Variants in TMEM62 observed in about 807,000 individuals in gnomAD.
TMEM62 encodes transmembrane protein 62.
A neutral mutation model predicts 70.4 loss-of-function variants in TMEM62; 41 were observed. The observed-to-expected ratio is 0.58, with a 90% confidence interval of 0.45 to 0.76. The LOEUF is 0.76. Ranked by LOEUF, TMEM62 falls within the 30% of genes least tolerant of loss-of-function variation. The probability of loss-of-function intolerance (pLI) is 0.00; values close to 1 mark genes in which losing one functional copy is unlikely to be tolerated. For missense variants in TMEM62, 688 were observed against 788.5 expected (o/e 0.87, Z 1.53); for synonymous variants, 268 against 291.0 (o/e 0.92, Z 0.80).
At chr15:43,172,483 A>G (rs990794368) in intron 11 of TMEM62, among the ~76,000 whole-genome samples, 1 of 152,252 alleles carries the variant, frequency 6.6e-6, no homozygotes, top group African/African-American at 2.4e-5. Flanking sequence ...GAAAACAGCT[A>G]TCTTCATTAA....
intron 11 of TMEM62, among the ~76,000 whole-genome samples, chr15:43,176,037 C>G (rs1459232512): frequency 1.3e-5 from 2 of 152,370 alleles, no homozygotes; most frequent in Admixed American, 6.5e-5. Context: ...TTATATCCCG[C>G]ACCTGGCTTG....
intron 11 of TMEM62, among the ~76,000 whole-genome samples, chr15:43,178,224 A>C (rs1016440734): frequency 6.6e-6 from 1 of 152,068 alleles, no homozygotes; most frequent in Non-Finnish European, 1.5e-5. Flanking sequence ...ACCTATATAA[A>C]GATAAAATAG....
At chr15:43,133,296 C>T (rs2034662842), upstream of TMEM62, 1 of 152,594 alleles carries the variant, frequency 6.6e-6, no homozygotes, top group East Asian at 1.9e-4. Context: ...GAGGAAGCCA[C>T]CTGACACATT....
intron 2 of TMEM62, among the ~76,000 whole-genome samples, chr15:43,134,890 T>C (rs540007482): frequency 3.3e-5 from 5 of 152,314 alleles, no homozygotes; most frequent in African/African-American, 1.2e-4. Flanking sequence ...CAAACTGTAA[T>C]GGGGAGAAGA....
At chr15:43,134,035 G>A in intron 1 of TMEM62, 53 bp downstream of exon 1, 1 of 1,436,982 alleles carries the variant, frequency 7.0e-7, no homozygotes, top group Non-Finnish European at 9.1e-7. Flanking sequence ...GGCACCGTGC[G>A]GTGGGACCCT....
chr15:43,181,098 T>C (rs1404041980), intron 12 of TMEM62, 83 bp from the exon 13 acceptor site: 5 of 903,588 alleles, frequency 5.5e-6, no homozygotes, highest in Non-Finnish European at 9.1e-6. Context: ...CTCTGCTTTA[T>C]TCCTATAAAT....
At chr15:43,176,244 C>T (rs564934301) in intron 11 of TMEM62, among the ~76,000 whole-genome samples, 1 of 152,376 alleles carries the variant, frequency 6.6e-6, no homozygotes, top group African/African-American at 2.4e-5. Context: ...TAGGCTCCAC[C>T]TCTGGGGGCA....
intron 3 of TMEM62, 98 bp downstream of exon 3, chr15:43,135,747 C>A: frequency 1.5e-6 from 2 of 1,353,470 alleles, no homozygotes; most frequent in South Asian, 1.6e-5. Context: ...TAAAGTGGGA[C>A]ATTTACATAT....
intron 11 of TMEM62, among the ~76,000 whole-genome samples, chr15:43,171,828 C>A (rs551068706): frequency 6.6e-6 from 1 of 151,830 alleles, no homozygotes; most frequent in Non-Finnish European, 1.5e-5. Flanking sequence ...AGGGTTTCAC[C>A]ATGTTAGCCA....
At chr15:43,159,324 G>C (rs2038405648) in intron 9 of TMEM62, among the ~76,000 whole-genome samples, 1 of 152,074 alleles carries the variant, frequency 6.6e-6, no homozygotes, top group Non-Finnish European at 1.5e-5. Context: ...TCAAATAGTA[G>C]GTCTTATTCA....
At chr15:43,138,142 G>C (rs1367823037) in intron 3 of TMEM62, among the ~76,000 whole-genome samples, 3 of 152,124 alleles carry the variant, frequency 2.0e-5, no homozygotes, top group Non-Finnish European at 4.4e-5. Flanking sequence ...GCCAGACTAG[G>C]GTCTAGAACT....
At position 43,181,174 on chromosome 15, in the gene TMEM62, CT is replaced by C; in HGVS notation, c.1487-3del. ...TCTCCTCCTTTTTTGTCCATTGCCTCTTTTAGGTCCATGGTTTTTTGGTGAA... is the reference window on the plus strand; with the variant it reads ...TCTCCTCCTTTTTTGTCCATTGCCTCTTTAGGTCCATGGTTTTTTGGTGAA... On this transcript the variant is annotated splice_polypyrimidine_tract_variant and splice_region_variant and intron_variant, in intron 12 of 13. Transcript: ENST00000260403. The C allele has an allele frequency of 6.3e-7, 1 of 1,592,326 alleles. No individual in the cohort carries two copies.
Position 43,134,242 on chromosome 15 carries a change from A to G in TMEM62, c.181-15A>G, listed in dbSNP as rs762083961. ...CCTGGCTCAGATCTCTCTGTTCAAT[A>G]CCTGTTTTCGGCAGATATCCGACAT... is the stretch of plus-strand genomic sequence containing the variant. On this transcript the variant is annotated splice_polypyrimidine_tract_variant and intron_variant, in intron 1 of 13. Coordinates refer to ENST00000260403, the MANE Select transcript of TMEM62 (RefSeq NM_024956.4). 14 of 1,611,010 alleles carry G rather than the reference A, an allele frequency of 8.7e-6. No individual in the cohort carries two copies. The highest frequency in any genetic ancestry group is 1.0e-5 in the Non-Finnish European group (12 of 1,177,480).
At chr15:43,146,422 C>G in intron 4 of TMEM62, 71 bp from the exon 5 acceptor site, 1 of 1,396,040 alleles carries the variant, frequency 7.2e-7, no homozygotes, top group South Asian at 1.5e-5. Flanking sequence ...TAAAATCTAG[C>G]GTATTAGGGA....
chr15:43,151,933 C>G lies in TMEM62; in HGVS notation c.1010C>G (p.Ser337Ter), dbSNP rs781535852. The change falls in exon 8 of 14, where the codon TCA becomes TGA. Residue 337 changes from serine to a stop codon, truncating the protein, a stop_gained. Transcript: ENST00000260403. LOFTEE classifies it high-confidence loss of function. ...EHEPLERLLH[S>*]THIRVLAFSL... ...GAACCACTAGAAAGACTTCTTCACT[C>G]AACACACATCAGGTATGTAGCAATT... 6.2e-7 allele frequency: 1 copy of G among 1,609,702 alleles called. No homozygotes were observed. The highest frequency in any genetic ancestry group is 1.1e-5 in the South Asian group (1 of 90,140).
At chr15:43,176,792 A>C (rs1427726871) in intron 11 of TMEM62, among the ~76,000 whole-genome samples, 1 of 152,122 alleles carries the variant, frequency 6.6e-6, no homozygotes, top group Non-Finnish European at 1.5e-5. Context: ...CTCCTCCTCC[A>C]AAGGAACACA....
rs2037438912 is a variant in TMEM62, at chr15:43,151,895, T to C, written c.972T>C (p.Ser324=). Residue 324 remains serine, a synonymous_variant, in exon 8 of 14, where the codon AGT becomes AGC. Transcript: ENST00000260403. ...CCAATCCTAAATCACTCCTTTATAG[T>C]TGTGGTGAACATGAACCACTAGAAA... ...LITNPKSLLY[S]CGEHEPLERL... 5 of 1,613,600 alleles carry C rather than the reference T, an allele frequency of 3.1e-6. No individual in the cohort carries two copies. Among genetic ancestry groups the C allele is most frequent in the Non-Finnish European group, 4.2e-6 (5 of 1,179,704 alleles).
At chr15:43,138,993 A>G (rs1480477370) in intron 4 of TMEM62, among the ~76,000 whole-genome samples, 3 of 152,002 alleles carry the variant, frequency 2.0e-5, no homozygotes, top group Non-Finnish European at 4.4e-5. Context: ...ACCTCGTTTT[A>G]TTATGCTTCG....
At chr15:43,157,804 A>C (rs1203695533) in intron 9 of TMEM62, among the ~76,000 whole-genome samples, 1 of 152,180 alleles carries the variant, frequency 6.6e-6, no homozygotes, top group Non-Finnish European at 1.5e-5. Flanking sequence ...CGTAATATCG[A>C]ACTACCCATT....
Sources: gnomAD v4.1 joint callset for allele counts (sites outside exome capture counted in the v4.1 genomes callset) on GRCh38, gnomAD v4.1.1 for gene constraint, MANE v1.5 for transcripts, NCBI Gene and HGNC (gene_info 2026-07-23, HGNC 2026-07-21) for gene names.